Variants in TANC2 observed in about 807,000 individuals in gnomAD.
TANC2 encodes protein TANC2.
Under a neutral mutation model 210.5 loss-of-function variants are expected in TANC2, and 26 were observed. The ratio of observed to expected loss-of-function variants is 0.12; its 90% CI spans 0.09 to 0.17. The LOEUF (loss-of-function observed/expected upper bound fraction) is 0.17. Ranked by LOEUF, TANC2 falls within the 10% of genes least tolerant of loss-of-function variation. The pLI is 1.00. For synonymous variants in TANC2, 931 were observed against 967.1 expected (o/e 0.96, Z 0.69); for missense variants, 2,129 against 2,608.9 (o/e 0.82, Z 4.01).
At chr17:63,003,774 C>G (rs2033488928) in intron 1 of TANC2, among the ~76,000 whole-genome samples, 2 of 152,058 alleles carry the variant, frequency 1.3e-5, no homozygotes, top group African/African-American at 4.8e-5. Context: ...GTTATCTTAG[C>G]AGATGTTTTT....
intron 9 of TANC2, among the ~76,000 whole-genome samples, chr17:63,299,211 T>C (rs1310165742): frequency 6.6e-6 from 1 of 152,232 alleles, no homozygotes; most frequent in Non-Finnish European, 1.5e-5. Context: ...TTTGCTATTG[T>C]AAATAGTGCT....
At chr17:63,031,713 T>C (rs867536979) in intron 2 of TANC2, among the ~76,000 whole-genome samples, 2 of 152,172 alleles carry the variant, frequency 1.3e-5, no homozygotes, top group Non-Finnish European at 2.9e-5. Flanking sequence ...AAGTAGAGTA[T>C]TGGGGGACAC....
chr17:63,398,899 C>T (rs762149740), exon 19 of TANC2: 1 of 1,593,992 alleles, frequency 6.3e-7, no homozygotes, highest in Non-Finnish European at 8.6e-7. Context: ...CTTTGACAGT[C>T]TCTGGGGAGA....
chr17:63,404,404 TTC>T (rs1298437370), intron 19 of TANC2, among the ~76,000 whole-genome samples: 1 of 152,226 alleles, frequency 6.6e-6, no homozygotes, highest in East Asian at 1.9e-4. Context: ...AGAAGAATGT[TTC>T]TGTTTTTTTC....
chr17:63,357,683 G>A (rs142826098), intron 14 of TANC2, among the ~76,000 whole-genome samples: 14 of 152,300 alleles, frequency 9.2e-5, no homozygotes, highest in African/African-American at 1.4e-4. Context: ...AGTGCTTAAG[G>A]CTCCCTAGGT....
intron 4 of TANC2, among the ~76,000 whole-genome samples, chr17:63,138,567 C>A (rs527817044): frequency 6.6e-6 from 1 of 152,184 alleles, no homozygotes; most frequent in South Asian, 2.1e-4. Context: ...TATCCTGTCC[C>A]TTCTTGTCAA....
intron 9 of TANC2, among the ~76,000 whole-genome samples, chr17:63,281,097 G>T (rs1326941682): frequency 6.6e-6 from 1 of 152,096 alleles, no homozygotes; most frequent in Non-Finnish European, 1.5e-5. Context: ...CTATTTGAAG[G>T]CACTGGAGAG....
At chr17:63,011,764 T>A (rs1362634274) in intron 2 of TANC2, among the ~76,000 whole-genome samples, 1 of 152,180 alleles carries the variant, frequency 6.6e-6, no homozygotes, top group Non-Finnish European at 1.5e-5. Context: ...AATTAGTATT[T>A]GCAAAATATG....
At chr17:63,162,295 C>A (rs1030213093) in intron 5 of TANC2, among the ~76,000 whole-genome samples, 1 of 141,930 alleles carries the variant, frequency 7.0e-6, no homozygotes. Flanking sequence ...AGAACAAGAC[C>A]CTGTCTGGAA....
chr17:62,988,690 G>A (rs746379160), intron 1 of TANC2, among the ~76,000 whole-genome samples: 3 of 152,092 alleles, frequency 2.0e-5, no homozygotes, highest in Admixed American at 6.6e-5. Context: ...AATAAAGAAC[G>A]GAAGCAATTT....
At chr17:63,055,978 AAAAAAAAAAAAAATATAT>A (rs1568349062) in intron 2 of TANC2, among the ~76,000 whole-genome samples, 2 of 27,832 alleles carry the variant, frequency 7.2e-5, no homozygotes, top group African/African-American at 2.0e-4. Context: ...AAAAAAAAAA[AAAAAAAAAAAAAATATAT>A]ATATATATAT....
At chr17:63,034,819 T>A (rs1208188611) in intron 2 of TANC2, among the ~76,000 whole-genome samples, 1 of 152,132 alleles carries the variant, frequency 6.6e-6, no homozygotes, top group African/African-American at 2.4e-5. Flanking sequence ...ATGATAAAAC[T>A]TGAATGGATG....
At chr17:63,237,261 A>T (rs1363001563) in intron 7 of TANC2, among the ~76,000 whole-genome samples, 1 of 151,834 alleles carries the variant, frequency 6.6e-6, no homozygotes, top group Non-Finnish European at 1.5e-5. Context: ...GGCCATTTGT[A>T]TGTCTCCTTT....
At chr17:63,047,845 G>A (rs951173700) in intron 2 of TANC2, among the ~76,000 whole-genome samples, 48 of 152,230 alleles carry the variant, frequency 3.2e-4, no homozygotes, top group African/African-American at 1.1e-3. Flanking sequence ...GGCAACTGAA[G>A]CCTTCATAAG....
At chr17:63,363,457 C>T (rs2047021711) in intron 14 of TANC2, among the ~76,000 whole-genome samples, 1 of 152,072 alleles carries the variant, frequency 6.6e-6, no homozygotes. Flanking sequence ...TGAAAAGTTT[C>T]CCTAATATTT....
At chr17:63,004,829 C>G (rs953837675) in intron 1 of TANC2, 7 of 311,272 alleles carry the variant, frequency 2.2e-5, no homozygotes, top group Non-Finnish European at 4.4e-5. Context: ...TTACCAAGGG[C>G]CTTTTTTGGC....
intron 12 of TANC2, among the ~76,000 whole-genome samples, chr17:63,343,554 A>G (rs2046307572): frequency 6.6e-6 from 1 of 152,204 alleles, no homozygotes; most frequent in African/African-American, 2.4e-5. Flanking sequence ...ATCCCGCTAA[A>G]CTATAAAAGC....
chr17:63,039,919 A>G (rs1012589796), intron 2 of TANC2, among the ~76,000 whole-genome samples: 1 of 152,162 alleles, frequency 6.6e-6, no homozygotes, highest in Non-Finnish European at 1.5e-5. Flanking sequence ...GTGTCTATAT[A>G]GATAGGTGTT....
intron 1 of TANC2, among the ~76,000 whole-genome samples, chr17:62,973,381 G>A (rs1040042621): frequency 1.3e-5 from 2 of 152,190 alleles, no homozygotes; most frequent in African/African-American, 4.8e-5. Context: ...TAATGTGTGA[G>A]CTTTTAAGCA....
Sources: allele counts gnomAD v4.1 joint callset (sites outside exome capture counted in the v4.1 genomes callset), GRCh38; gene constraint gnomAD v4.1.1; transcripts MANE v1.5; gene names NCBI Gene and HGNC (gene_info 2026-07-23, HGNC 2026-07-21).